Variants in NR2F1-AS1 observed in about 807,000 individuals in gnomAD.
The protein encoded by NR2F1-AS1 is NR2F1 antisense RNA 1.
At chr5:93,434,016 T>C (rs2149848108) in intron 4 of NR2F1-AS1, among the ~76,000 whole-genome samples, 1 of 152,320 alleles carries the variant, frequency 6.6e-6, no homozygotes, top group South Asian at 2.1e-4. Context: ...GCTCTTTTTT[T>C]CCCATATGCT....
intron 4 of NR2F1-AS1, among the ~76,000 whole-genome samples, chr5:93,529,526 C>T (rs1430594491): frequency 6.6e-6 from 1 of 152,108 alleles, no homozygotes; most frequent in Admixed American, 6.6e-5. Context: ...ACCTGCAACT[C>T]TCTTCATCTC....
chr5:93,474,726 A>T (rs896881423), intron 4 of NR2F1-AS1, among the ~76,000 whole-genome samples: 1 of 152,194 alleles, frequency 6.6e-6, no homozygotes, highest in Non-Finnish European at 1.5e-5. Flanking sequence ...TACCCTAATC[A>T]TGACTCTCAT....
rs575561530 is a variant in NR2F1-AS1 at position 93,506,739 on chromosome 5, C to G, written n.638+47022G>C. Among the ~76,000 whole-genome samples, 7 of 152,200 alleles carry G rather than the reference C, an allele frequency of 4.6e-5. No individual in the cohort carries two copies. In the East Asian group the frequency reaches 9.7e-4, roughly 21 times the overall value. ...GCCCCCATGTTTCAATTAGCTCCCC[C>G]GGGTCCCTCCCAGAACACATGGGGA... is the stretch of plus-strand genomic sequence containing the variant. On this transcript the variant is annotated intron_variant and non_coding_transcript_variant, in intron 4 of 5. Coordinates refer to ENST00000660523, the Ensembl canonical transcript of NR2F1-AS1.
At chr5:93,419,929 G>C (rs1286869832) in intron 4 of NR2F1-AS1, among the ~76,000 whole-genome samples, 1 of 152,190 alleles carries the variant, frequency 6.6e-6, no homozygotes, top group Admixed American at 6.5e-5. Context: ...GGGCATGGTG[G>C]CTCATGCCTG....
intron 4 of NR2F1-AS1, among the ~76,000 whole-genome samples, chr5:93,528,775 A>C (rs1489155402): frequency 6.6e-6 from 1 of 152,094 alleles, no homozygotes; most frequent in Non-Finnish European, 1.5e-5. Flanking sequence ...GGAAACCATC[A>C]TTCTCAGCAA....
chr5:93,428,744 A>G (rs1219690685), intron 4 of NR2F1-AS1, among the ~76,000 whole-genome samples: 1 of 152,214 alleles, frequency 6.6e-6, no homozygotes, highest in Non-Finnish European at 1.5e-5. Flanking sequence ...TTCTGATTAT[A>G]TAAGTACTTT....
At chr5:93,533,924 T>C (rs147641321) in intron 4 of NR2F1-AS1, among the ~76,000 whole-genome samples, 247 of 152,118 alleles carry the variant, frequency 1.6e-3, no homozygotes, top group African/African-American at 5.5e-3. Context: ...ATGAGGCCAG[T>C]TCAAGTCCAG....
chr5:93,522,122 C>T (rs1390562628), intron 4 of NR2F1-AS1, among the ~76,000 whole-genome samples: 1 of 152,104 alleles, frequency 6.6e-6, no homozygotes, highest in East Asian at 1.9e-4. Context: ...AAACGAAATA[C>T]CACATGTTCT....
At chr5:93,520,729 A>G (rs988887551) in intron 4 of NR2F1-AS1, among the ~76,000 whole-genome samples, 5 of 152,120 alleles carry the variant, frequency 3.3e-5, no homozygotes, top group Non-Finnish European at 7.4e-5. Flanking sequence ...AAATGAGCAA[A>G]AGGAAGGTGA....
intron 4 of NR2F1-AS1, among the ~76,000 whole-genome samples, chr5:93,455,863 A>T (rs1749935921): frequency 1.3e-5 from 2 of 151,910 alleles, no homozygotes; most frequent in African/African-American, 4.8e-5. Flanking sequence ...ACACACACAC[A>T]CACCTGAAAA....
chr5:93,549,968 G>T (rs191791275), intron 4 of NR2F1-AS1, among the ~76,000 whole-genome samples: 28 of 152,088 alleles, frequency 1.8e-4, no homozygotes, highest in Admixed American at 3.9e-4. Context: ...CCTGTCGAGG[G>T]GTTGGGGGCA....
upstream of NR2F1-AS1, chr5:93,585,091 C>T: frequency 9.9e-7 from 1 of 1,010,570 alleles, no homozygotes; most frequent in Non-Finnish European, 1.2e-6. Flanking sequence ...CCCGGCGGCC[C>T]CAACCCCGCA....
At chr5:93,550,183 T>G (rs554165266) in intron 4 of NR2F1-AS1, among the ~76,000 whole-genome samples, 1 of 152,198 alleles carries the variant, frequency 6.6e-6, no homozygotes, top group South Asian at 2.1e-4. Context: ...AAAATACAGT[T>G]ATACTAAAGG....
At chr5:93,439,157 C>T (rs1749504064) in intron 4 of NR2F1-AS1, among the ~76,000 whole-genome samples, 1 of 152,234 alleles carries the variant, frequency 6.6e-6, no homozygotes, top group Non-Finnish European at 1.5e-5. Flanking sequence ...ACCATTATTA[C>T]TTTACTCACT....
At chr5:93,489,433 T>A (rs959417843) in intron 4 of NR2F1-AS1, among the ~76,000 whole-genome samples, 7 of 151,654 alleles carry the variant, frequency 4.6e-5, no homozygotes, top group African/African-American at 1.2e-4. Flanking sequence ...ATATATATAT[T>A]TTTAGGCATA....
upstream of NR2F1-AS1, among the ~76,000 whole-genome samples, chr5:93,582,291 A>G (rs1753119696): frequency 6.6e-6 from 1 of 151,478 alleles, no homozygotes; most frequent in South Asian, 2.1e-4. Context: ...AAAAAAGAAG[A>G]AGGAAAAATT....
At chr5:93,550,746 A>C (rs968906611) in intron 4 of NR2F1-AS1, among the ~76,000 whole-genome samples, 7 of 152,230 alleles carry the variant, frequency 4.6e-5, no homozygotes, top group African/African-American at 1.7e-4. Context: ...AAGGCAATGT[A>C]GTTTTCCTGA....
chr5:93,577,221 C>G (rs1752916582), intron 1 of NR2F1-AS1, among the ~76,000 whole-genome samples: 1 of 152,238 alleles, frequency 6.6e-6, no homozygotes, highest in South Asian at 2.1e-4. Flanking sequence ...CCTTATCTCT[C>G]TTTTTCAAAA....
chr5:93,424,698 TTC>T (rs1359299843), intron 4 of NR2F1-AS1, among the ~76,000 whole-genome samples: 2 of 152,200 alleles, frequency 1.3e-5, no homozygotes, highest in African/African-American at 4.8e-5. Context: ...ACAAGATGAT[TTC>T]TGATAGCAAA....
Sources: allele counts gnomAD v4.1 joint callset (sites outside exome capture counted in the v4.1 genomes callset), GRCh38; gene constraint gnomAD v4.1.1; transcripts MANE v1.5; gene names NCBI Gene and HGNC (gene_info 2026-07-23, HGNC 2026-07-21).